The following FBXO27 variants were observed in gnomAD, a reference collection of about 807,000 sequenced individuals.
FBXO27 encodes the protein F-box protein 27.
A neutral mutation model predicts 28.3 loss-of-function variants in FBXO27; 28 were observed. That is an observed-to-expected ratio of 0.99 (90% confidence interval 0.73 to 1.36). The LOEUF (loss-of-function observed/expected upper bound fraction) is 1.36. Ranked by LOEUF, FBXO27 falls within the 40% of genes most tolerant of loss-of-function variation. FBXO27 has a pLI of 0.00. For missense variants in FBXO27, 388 were observed against 394.1 expected (o/e 0.98, Z 0.13); for synonymous variants, 175 against 167.3 (o/e 1.05, Z -0.36).
chr19:39,019,397 C>T (rs1199577314), downstream of FBXO27, among the ~76,000 whole-genome samples: 4 of 116,776 alleles, frequency 3.4e-5, no homozygotes, highest in East Asian at 1.1e-3. Context: ...TGCACTCCAG[C>T]CTGGGCAACA....
At chr19:39,017,460 G>C (rs548459206) in intron 1 of FBXO27, among the ~76,000 whole-genome samples, 1 of 151,484 alleles carries the variant, frequency 6.6e-6, no homozygotes, top group Non-Finnish European at 1.5e-5. Flanking sequence ...TTGGGAGGCC[G>C]AGGAGGGTGG....
chr19:39,021,568 C>A (rs573884392), downstream of FBXO27, among the ~76,000 whole-genome samples: 1 of 152,166 alleles, frequency 6.6e-6, no homozygotes, highest in African/African-American at 2.4e-5. Context: ...TAATAACATA[C>A]AACATATGTG....
At chr19:39,012,084 C>T (rs552436122) in intron 2 of FBXO27, among the ~76,000 whole-genome samples, 116 of 151,852 alleles carry the variant, frequency 7.6e-4, no homozygotes, top group African/African-American at 2.7e-3. Flanking sequence ...CCGCCCGTCT[C>T]GGCCTCCCAA....
Position 39,024,367 on chromosome 19 carries a change from G to A in FBXO27, c.*1044C>T, listed in dbSNP as rs1295011186. On this transcript the variant is annotated 3_prime_UTR_variant, in exon 6 of 6. Transcript: ENST00000292853. ...GCCTCCCAAGTAGCTTGGACTACAG[G>A]TGTGTACTACTGTACCTGGCTAACT... The A allele has an allele frequency of 6.6e-6, 1 of 152,168 alleles. No individual in the cohort carries two copies. Among genetic ancestry groups the A allele is most frequent in the Admixed American group, 6.6e-5 (1 of 15,250 alleles). 9.4% of individuals were successfully genotyped at this position (152,168 alleles called of 1,614,324 possible).
chr19:39,021,304 T>C (rs1016506112), downstream of FBXO27, among the ~76,000 whole-genome samples: 1 of 152,156 alleles, frequency 6.6e-6, no homozygotes, highest in Non-Finnish European at 1.5e-5. Context: ...GAAACTATGA[T>C]GTATTTCTGT....
chr19:39,016,359 G>GGT (rs139861760), intron 1 of FBXO27, among the ~76,000 whole-genome samples: 19,741 of 149,770 alleles, frequency 0.13, 1,388 homozygotes, highest in African/African-American at 0.17. Context: ...TAGCGGGAAG[G>GGT]GTGTGTGTGT....
At chr19:39,023,048 A>C (rs1290812425), downstream of FBXO27, among the ~76,000 whole-genome samples, 1 of 151,554 alleles carries the variant, frequency 6.6e-6, no homozygotes, top group Non-Finnish European at 1.5e-5. Context: ...CTGGTGATCC[A>C]TCTGCCTCAG....
Position 39,032,055 on chromosome 19 carries a change from C to T in FBXO27, c.173G>A (p.Arg58Gln), listed in dbSNP as rs1335628265. The part of the protein sequence containing the change: ...GRCRQVCRGW[R>Q]ALVDGQALWL... ...CAGGGCCTGGCCGTCCACCAGGGCT[C>T]GCCAGCCCCGGCACACTTGGCGGCA... is the stretch of plus-strand genomic sequence containing the variant. The change falls in exon 2 of 6, where the codon CGA becomes CAA. Residue 58 changes from arginine (R) to glutamine (Q), a missense_variant. Arg to Gln is a conservative substitution (Grantham distance 43). Coordinates refer to ENST00000292853, the MANE Select transcript of FBXO27 (RefSeq NM_178820.5). This position sits in a 1 kb window ranked among gnomAD's most constrained non-coding sequence, Gnocchi z 4.7. The T allele has an allele frequency of 2.0e-6, 3 of 1,528,790 alleles. No individual in the cohort carries two copies. The highest frequency in any genetic ancestry group is 1.7e-6 in the Non-Finnish European group (2 of 1,143,382). The allele number at this position is 1,528,790 out of a possible 1,614,324, so 94.7% of individuals were successfully genotyped here.
intron 4 of FBXO27, chr19:39,030,778 T>G: frequency 2.0e-6 from 1 of 508,598 alleles, no homozygotes; most frequent in Non-Finnish European, 3.6e-6. Context: ...AATTTTTTTT[T>G]TGTATTTTTA....
At chr19:39,022,070 T>A (rs1211412056), downstream of FBXO27, among the ~76,000 whole-genome samples, 1 of 151,992 alleles carries the variant, frequency 6.6e-6, no homozygotes, top group Non-Finnish European at 1.5e-5. Flanking sequence ...TTCAACATGG[T>A]ACTTGGCATG....
At chr19:39,019,724 T>A (rs923655585), downstream of FBXO27, among the ~76,000 whole-genome samples, 2 of 152,092 alleles carry the variant, frequency 1.3e-5, no homozygotes, top group Admixed American at 1.3e-4. Flanking sequence ...GTTATCTGCC[T>A]AAAGAGGGTT....
In FBXO27 at chr19:39,031,217, A is replaced by T. The variant is rs34657331; in HGVS notation, c.468T>A (p.Thr156=). Residue 156 remains threonine (T), a synonymous_variant, in exon 3 of 6, where the codon ACT becomes ACA. Coordinates refer to ENST00000292853, the MANE Select transcript of FBXO27 (RefSeq NM_178820.5). The stretch of plus-strand genomic sequence containing the variant: ...ATAGCAGGGGCATTCACCTGAATGA[A>T]GTCACGAAGCACGTCTGAGAAGGGG... ...PGAPSQTCFV[T]SFSWCCKKQV... 1.7e-3 allele frequency: 2,730 copies of T among 1,614,128 alleles called. 3 individuals carry two copies. Among genetic ancestry groups the T allele is most frequent in the Non-Finnish European group, 2.0e-3 (2,325 of 1,180,012 alleles).
At chr19:39,027,640 T>C (rs2072880557) in intron 4 of FBXO27, among the ~76,000 whole-genome samples, 2 of 151,964 alleles carry the variant, frequency 1.3e-5, no homozygotes, top group South Asian at 4.1e-4. Context: ...TCCAGTGAAT[T>C]ATTGAATTGT....
chr19:39,006,050 C>G lies in FBXO27; in HGVS notation c.252+8337G>C, dbSNP rs552862308. On this transcript the variant is annotated intron_variant, in intron 2 of 2. Transcript: ENST00000598394. ...ACAGAAAAGTCTCTTTGGTGATATT[C>G]TTGCCAAAGATGTTATAATCTGAAT... 2.6e-5 allele frequency among the ~76,000 whole-genome samples: 4 copies of G among 152,274 alleles called. No homozygotes were observed. The East Asian group carries it at 7.7e-4, about 29-fold the overall frequency.
At chr19:39,016,243 C>T (rs180935680) in intron 1 of FBXO27, among the ~76,000 whole-genome samples, 46 of 152,186 alleles carry the variant, frequency 3.0e-4, no homozygotes, top group African/African-American at 1.1e-3. Context: ...AGAGAATGCA[C>T]GACACCAAGT....
At chr19:39,022,804 A>G (rs977825835), downstream of FBXO27, among the ~76,000 whole-genome samples, 4 of 149,964 alleles carry the variant, frequency 2.7e-5, no homozygotes, top group Non-Finnish European at 5.9e-5. Flanking sequence ...TATTTTATTT[A>G]TTTATTTTTT....
At chr19:39,031,433 C>A in intron 2 of FBXO27, 113 bp from the exon 3 acceptor site, 5 of 917,712 alleles carry the variant, frequency 5.4e-6, no homozygotes, top group Non-Finnish European at 8.3e-6. Flanking sequence ...ACTCACCTGA[C>A]CCTTCCCACC....
intron 5 of FBXO27, 96 bp from the exon 6 acceptor site, chr19:39,025,650 G>A: frequency 7.0e-7 from 1 of 1,437,110 alleles, no homozygotes; most frequent in Non-Finnish European, 9.3e-7. Context: ...TTCCAAGGAT[G>A]GCTATAAAAT....
chr19:39,020,180 G>A (rs1048837693), downstream of FBXO27, among the ~76,000 whole-genome samples: 7 of 152,188 alleles, frequency 4.6e-5, no homozygotes, highest in South Asian at 4.2e-4. Flanking sequence ...CTACTGTTTC[G>A]TGCAAATGGT....
Sources: allele counts gnomAD v4.1 joint callset (sites outside exome capture counted in the v4.1 genomes callset), GRCh38; gene constraint gnomAD v4.1.1; non-coding constraint Gnocchi (gnomAD v3.1); transcripts MANE v1.5; gene names NCBI Gene and HGNC (gene_info 2026-07-23, HGNC 2026-07-21).